AIG1: variants seen among roughly 807,000 people sequenced by gnomAD.
AIG1 encodes the protein androgen induced 1.
In AIG1, 23 loss-of-function variants were observed where a neutral mutation model predicts 31.4. That is an observed-to-expected ratio of 0.73 (90% CI 0.53 to 1.04). The LOEUF is 1.04. Ranked by LOEUF, AIG1 falls within the 50% of genes least tolerant of loss-of-function variation. The probability of loss-of-function intolerance (pLI) is 0.00; values close to 1 mark genes in which losing one functional copy is unlikely to be tolerated. For synonymous variants in AIG1, 100 were observed against 110.5 expected, an observed-to-expected ratio of 0.90 and a Z score of 0.60; for missense variants, 274 against 295.0, an observed-to-expected ratio of 0.93 and a Z score of 0.52.
intron 2 of AIG1, among the ~76,000 whole-genome samples, chr6:143,160,793 G>T (rs1262895722): frequency 6.6e-6 from 1 of 152,188 alleles, no homozygotes; most frequent in African/African-American, 2.4e-5. Flanking sequence ...TATATCTAAA[G>T]AATTATTTAG....
chr6:143,163,458 T>C (rs990506066), intron 2 of AIG1, among the ~76,000 whole-genome samples: 2 of 152,210 alleles, frequency 1.3e-5, no homozygotes, highest in African/African-American at 2.4e-5. Flanking sequence ...CAAGCCATTG[T>C]GCTACAAAAT....
intron 1 of AIG1, among the ~76,000 whole-genome samples, chr6:143,122,795 C>T (rs933217738): frequency 2.0e-5 from 3 of 152,260 alleles, no homozygotes; most frequent in Middle Eastern, 6.8e-3. Flanking sequence ...ACCTTTAAAA[C>T]CCCCTACTGG....
intron 1 of AIG1, 115 bp from the exon 2 acceptor site, chr6:143,136,720 A>T: frequency 9.9e-7 from 1 of 1,012,380 alleles, no homozygotes. Flanking sequence ...TCTTTAAAAT[A>T]TGCTTCTGAT....
intron 1 of AIG1, among the ~76,000 whole-genome samples, chr6:143,087,896 T>G (rs958822713): frequency 1.3e-5 from 2 of 152,202 alleles, no homozygotes; most frequent in African/African-American, 4.8e-5. Flanking sequence ...AACCTGACAA[T>G]TTCCTGTTTA....
At chr6:143,244,046 A>G (rs538082126) in intron 3 of AIG1, among the ~76,000 whole-genome samples, 2 of 152,244 alleles carry the variant, frequency 1.3e-5, no homozygotes, top group Non-Finnish European at 2.9e-5. Flanking sequence ...TAACGCAAAG[A>G]TGAGTACACA....
At chr6:143,086,939 G>A (rs1029925688) in intron 1 of AIG1, among the ~76,000 whole-genome samples, 3 of 152,048 alleles carry the variant, frequency 2.0e-5, no homozygotes, top group Non-Finnish European at 4.4e-5. Flanking sequence ...GTTGGCCCTC[G>A]GCTTCCCCCA....
intron 3 of AIG1, among the ~76,000 whole-genome samples, chr6:143,263,805 C>G (rs1016553161): frequency 3.3e-5 from 5 of 152,080 alleles, no homozygotes; most frequent in Non-Finnish European, 5.9e-5. Flanking sequence ...AACCATTCCC[C>G]AATGGTAGAT....
At chr6:143,071,517 T>C (rs1777255629) in intron 1 of AIG1, among the ~76,000 whole-genome samples, 1 of 152,236 alleles carries the variant, frequency 6.6e-6, no homozygotes, top group Non-Finnish European at 1.5e-5. Flanking sequence ...ACCAAATGGT[T>C]GTCCAGAGTG....
At chr6:143,248,564 A>G (rs902381298) in intron 3 of AIG1, among the ~76,000 whole-genome samples, 3 of 152,232 alleles carry the variant, frequency 2.0e-5, no homozygotes, top group Admixed American at 2.0e-4. Context: ...CACTGCAAAC[A>G]GAGAGGGATC....
intron 4 of AIG1, among the ~76,000 whole-genome samples, chr6:143,295,800 C>T (rs1798384145): frequency 6.6e-6 from 1 of 152,118 alleles, no homozygotes; most frequent in Admixed American, 6.6e-5. Context: ...TTAACTCTTT[C>T]TCCAAAGTCT....
intron 3 of AIG1, among the ~76,000 whole-genome samples, chr6:143,265,901 T>A (rs746754348): frequency 2.6e-5 from 4 of 152,240 alleles, no homozygotes; most frequent in Non-Finnish European, 5.9e-5. Context: ...TCCCAGCTGT[T>A]CCTTCAAGGT....
chr6:143,327,695 G>A lies in AIG1; in HGVS notation c.516-5587G>A. 9.7e-6 allele frequency: 1 copy of A among 103,512 alleles called. No individual in the cohort carries two copies. Among genetic ancestry groups the A allele is most frequent in the South Asian group, 2.8e-4 (1 of 3,542 alleles). 6.4% of individuals were successfully genotyped at this position (103,512 alleles called of 1,614,324 possible). ...ATACATCAAATAAAGTTATAAAATT[G>A]TAAAAAAAAAAAAAAGATAATGGAT... On this transcript the variant is annotated intron_variant, in intron 4 of 5. Coordinates refer to ENST00000357847, the MANE Select transcript of AIG1 (RefSeq NM_016108.4). The surrounding 1 kb of genome is among the most constrained non-coding windows in gnomAD (Gnocchi z 5.3).
In AIG1 at chr6:143,223,104, A is replaced by T. The variant is rs181087783; in HGVS notation, c.399+57921A>T. Among the ~76,000 whole-genome samples, 763 of 152,364 alleles carry T rather than the reference A, an allele frequency of 5.0e-3. 3 individuals are homozygous for T. The highest frequency in any genetic ancestry group is 8.0e-3 in the Non-Finnish European group (545 of 68,032). ...GCCTTGGTGGATGTTTGTGCTCCAC[A>T]GTAATTCTGAAAAAGGCAGAAGCCA... On this transcript the variant is annotated intron_variant, in intron 3 of 5. Coordinates refer to ENST00000357847, the MANE Select transcript of AIG1 (RefSeq NM_016108.4).
At chr6:143,264,906 G>C (rs1796048328) in intron 3 of AIG1, among the ~76,000 whole-genome samples, 1 of 152,166 alleles carries the variant, frequency 6.6e-6, no homozygotes, top group Non-Finnish European at 1.5e-5. Flanking sequence ...TGTTAACCTT[G>C]AGGCTGTGTA....
intron 1 of AIG1, among the ~76,000 whole-genome samples, chr6:143,086,783 G>A (rs1161705985): frequency 6.6e-6 from 1 of 152,194 alleles, no homozygotes; most frequent in African/African-American, 2.4e-5. Context: ...ATACTTTCAA[G>A]AAAGTTGTGG....
chr6:143,242,372 A>C (rs1443633730), intron 3 of AIG1, among the ~76,000 whole-genome samples: 4 of 152,340 alleles, frequency 2.6e-5, no homozygotes, highest in East Asian at 3.9e-4. Context: ...CATAATAATA[A>C]AATAGCTATG....
At chr6:143,177,159 T>A (rs990453387) in intron 3 of AIG1, among the ~76,000 whole-genome samples, 2 of 152,240 alleles carry the variant, frequency 1.3e-5, no homozygotes, top group African/African-American at 4.8e-5. Context: ...TTCTTTTTAA[T>A]GATATCTATT....
chr6:143,166,514 C>T (rs150111397), intron 3 of AIG1, among the ~76,000 whole-genome samples: 4 of 152,268 alleles, frequency 2.6e-5, no homozygotes, highest in East Asian at 3.9e-4. Flanking sequence ...TTAGCTATTC[C>T]GTTACTTGTG....
intron 4 of AIG1, among the ~76,000 whole-genome samples, chr6:143,332,046 A>AT (rs1434123341): frequency 1.3e-5 from 2 of 151,526 alleles, no homozygotes; most frequent in East Asian, 3.9e-4. Flanking sequence ...TAATTTTTGT[A>AT]TTTTTAATAG....
Sources: gnomAD v4.1 joint callset for allele counts (sites outside exome capture counted in the v4.1 genomes callset) on GRCh38, gnomAD v4.1.1 for gene constraint, Gnocchi (gnomAD v3.1) non-coding constraint, MANE v1.5 for transcripts, NCBI Gene and HGNC (gene_info 2026-07-23, HGNC 2026-07-21) for gene names.